Variants in TOGARAM2 observed in about 807,000 individuals in gnomAD.
The protein encoded by TOGARAM2 is TOG array regulator of axonemal microtubules 2, also known as TOG array regulator of axonemal microtubules protein 2.
Under a neutral mutation model 93.3 loss-of-function variants are expected in TOGARAM2, and 85 were observed. The ratio of observed to expected loss-of-function variants is 0.91; its 90% CI spans 0.76 to 1.09. TOGARAM2 has a LOEUF of 1.09. TOGARAM2 is among the 50% of genes least tolerant of loss of function. The pLI, the probability that TOGARAM2 is intolerant of heterozygous loss-of-function variation, is 0.00. For missense variants in TOGARAM2, 1,277 were observed against 1,334.5 expected (o/e 0.96, Z 0.67); for synonymous variants, 593 against 552.8 (o/e 1.07, Z -1.02).
At chr2:28,979,797 G>A (rs1381568829), upstream of TOGARAM2, among the ~76,000 whole-genome samples, 1 of 152,210 alleles carries the variant, frequency 6.6e-6, no homozygotes, top group African/African-American at 2.4e-5. Context: ...CAGGGGCCAT[G>A]AGGGGTGTCC....
chr2:29,028,217 C>T (rs142884358), intron 14 of TOGARAM2, among the ~76,000 whole-genome samples: 2 of 152,160 alleles, frequency 1.3e-5, no homozygotes, highest in African/African-American at 4.8e-5. Context: ...CCATGTGGCA[C>T]CTGTCAGGGC....
chr2:28,990,049 C>T (rs1392208303), intron 1 of TOGARAM2, among the ~76,000 whole-genome samples: 3 of 152,184 alleles, frequency 2.0e-5, no homozygotes, highest in African/African-American at 7.2e-5. Flanking sequence ...GGTCTACGGC[C>T]TGGGCTGCCT....
chr2:28,959,524 G>A lies in TOGARAM2; in HGVS notation c.-147+2827G>A, dbSNP rs111408503. On this transcript the variant is annotated intron_variant, in intron 1 of 6. Transcript: ENST00000401723. ...ATCCCAGCACTTTGGAAGGCCGAGG[G>A]GGGCGGATCACAAGGTCAGGAAATC... Among the ~76,000 whole-genome samples the A allele has an allele frequency of 1.7e-4, 26 of 152,222 alleles. No individual in the cohort carries two copies. In the South Asian group the frequency reaches 5.2e-3, roughly 30 times the overall value.
intron 1 of TOGARAM2, among the ~76,000 whole-genome samples, chr2:28,960,485 ACACT>A (rs1671788092): frequency 6.6e-6 from 1 of 152,182 alleles, no homozygotes; most frequent in Non-Finnish European, 1.5e-5. Context: ...GATCCAATCC[ACACT>A]CACTCACTGG....
intron 19 of TOGARAM2, chr2:29,049,955 C>T (rs1666973370): frequency 6.6e-6 from 1 of 152,182 alleles, no homozygotes; most frequent in Non-Finnish European, 1.5e-5. Flanking sequence ...CTGGTTCCTC[C>T]TTATTCCAGG....
intron 1 of TOGARAM2, among the ~76,000 whole-genome samples, chr2:28,985,738 C>A (rs769644157): frequency 6.6e-6 from 1 of 152,136 alleles, no homozygotes; most frequent in Non-Finnish European, 1.5e-5. Context: ...AGACACTTTT[C>A]TTCTATTCAT....
intron 9 of TOGARAM2, 96 bp from the exon 10 acceptor site, chr2:29,017,696 C>T (rs995810969): frequency 2.4e-5 from 30 of 1,254,728 alleles, no homozygotes; most frequent in Non-Finnish European, 3.1e-5. Flanking sequence ...CTGGCATGAG[C>T]TACTTTGGCC....
chr2:28,990,860 A>T (rs1378255799), intron 1 of TOGARAM2, among the ~76,000 whole-genome samples: 1 of 151,872 alleles, frequency 6.6e-6, no homozygotes, highest in Admixed American at 6.6e-5. Context: ...TATTCTATAG[A>T]CATATCTGTC....
At position 29,036,619 on chromosome 2, in the gene TOGARAM2, A is replaced by G; in HGVS notation, c.2497A>G (p.Met833Val). The change falls in exon 18 of 20, where the codon ATG (methionine) becomes GTG (valine). Residue 833 changes from methionine (M) to valine (V), a missense_variant. Transcript: ENST00000379558. The stretch of plus-strand genomic sequence containing the variant: ...GTGGGCGCTGGAGTCCTTCGCCAAG[A>G]TGATCCCCCTCCTCAGAGAGAGCTT... The part of the protein sequence containing the change: ...NQWALESFAK[M>V]IPLLRESLHP... 6.2e-7 allele frequency: 1 copy of G among 1,613,964 alleles called. No homozygotes were observed. The highest frequency in any genetic ancestry group is 8.5e-7 in the Non-Finnish European group (1 of 1,179,888).
Position 29,023,074 on chromosome 2 carries a change from CT to C in TOGARAM2, c.1512-10del. The C allele has an allele frequency of 6.3e-7, 1 of 1,577,534 alleles. No individual in the cohort carries two copies. Among genetic ancestry groups the C allele is most frequent in the Non-Finnish European group, 8.6e-7 (1 of 1,160,976 alleles). The stretch of plus-strand genomic sequence containing the variant: ...CCACCCTTCTGCAACAGGGCCTGGC[CT>C]TGCTTCTCAGGCAGATGAAGGAGAA... On this transcript the variant is annotated splice_polypyrimidine_tract_variant and intron_variant, in intron 11 of 19. Transcript: ENST00000379558.
At position 29,030,562 on chromosome 2, in the gene TOGARAM2, C is replaced by A. The variant is rs79644180; in HGVS notation, c.2013-2372C>A. 3.2e-4 allele frequency among the ~76,000 whole-genome samples: 49 copies of A among 152,272 alleles called. No individual in the cohort carries two copies. The East Asian group carries it at 9.3e-3, about 29-fold the overall frequency. On this transcript the variant is annotated intron_variant, in intron 14 of 19. Coordinates refer to ENST00000379558, the MANE Select transcript of TOGARAM2 (RefSeq NM_199280.4). ...CTAAAGTCTCTCCAGATCTGCTACT[C>A]CTCTCCATTCTGACCCATCCCTTAC...
At chr2:29,048,689 T>G (rs1666888794) in intron 19 of TOGARAM2, 1 of 150,940 alleles carries the variant, frequency 6.6e-6, no homozygotes, top group African/African-American at 2.4e-5. Context: ...TTTTTTTTTT[T>G]TTTTTTTCAG....
chr2:28,973,408 CTCCT>C (rs1368709766), intron 1 of TOGARAM2, among the ~76,000 whole-genome samples: 3 of 60,568 alleles, frequency 5.0e-5, no homozygotes, highest in Non-Finnish European at 1.3e-4. Flanking sequence ...TCCTTCCTTC[CTCCT>C]TTCCTTCTTT....
chr2:28,967,919 A>G (rs1391893909), intron 1 of TOGARAM2, among the ~76,000 whole-genome samples: 1 of 149,386 alleles, frequency 6.7e-6, no homozygotes, highest in African/African-American at 2.5e-5. Flanking sequence ...CCTGGGTTCA[A>G]GCGATTCTCC....
intron 1 of TOGARAM2, among the ~76,000 whole-genome samples, chr2:28,962,838 A>C (rs1572615055): frequency 7.6e-5 from 8 of 104,726 alleles, no homozygotes; most frequent in East Asian, 3.3e-4. Flanking sequence ...CCTCCCTCCC[A>C]TCCTCCCTCC....
intron 7 of TOGARAM2, 101 bp downstream of exon 7, chr2:29,011,602 CT>C (rs1664251823): frequency 2.1e-5 from 25 of 1,182,582 alleles, no homozygotes; most frequent in Non-Finnish European, 2.9e-5. Context: ...TCTGAGAGCT[CT>C]TGTGTCTGGG....
intron 4 of TOGARAM2, among the ~76,000 whole-genome samples, chr2:29,000,778 A>G (rs987843422): frequency 5.3e-5 from 8 of 152,092 alleles, no homozygotes; most frequent in Non-Finnish European, 8.8e-5. Context: ...GCCCAGGACA[A>G]TGCCAGGGAG....
chr2:29,012,936 A>G (rs1664340489), intron 7 of TOGARAM2, among the ~76,000 whole-genome samples: 1 of 152,146 alleles, frequency 6.6e-6, no homozygotes, highest in Admixed American at 6.5e-5. Flanking sequence ...TTGGCCCTTG[A>G]TCCTTCTCCC....
At chr2:29,009,593 G>C (rs554940147) in intron 6 of TOGARAM2, among the ~76,000 whole-genome samples, 2 of 152,118 alleles carry the variant, frequency 1.3e-5, no homozygotes, top group Admixed American at 6.5e-5. Flanking sequence ...GAAGATGGGG[G>C]AGCTGAGACC....
Sources: allele counts gnomAD v4.1 joint callset (sites outside exome capture counted in the v4.1 genomes callset), GRCh38; gene constraint gnomAD v4.1.1; transcripts MANE v1.5; gene names NCBI Gene and HGNC (gene_info 2026-07-23, HGNC 2026-07-21).